The following CFAP107 variants were observed in gnomAD, a reference collection of about 807,000 sequenced individuals.
CFAP107 encodes cilia- and flagella-associated protein 107.
the CFAP107 span, chr1:12,761,905 G>A: frequency 6.6e-6 from 1 of 152,220 alleles, no homozygotes; most frequent in African/African-American, 2.4e-5. Context: ...AGAGAGGGTG[G>A]ATCTCCTAGC....
the CFAP107 span, among the ~76,000 whole-genome samples, chr1:12,760,606 C>G: frequency 6.6e-6 from 1 of 152,204 alleles, no homozygotes; most frequent in Non-Finnish European, 1.5e-5. Flanking sequence ...AACCAATGCT[C>G]TCTGCAAGGC....
chr1:12,746,295 A>G, the CFAP107 span: 6 of 590,746 alleles, frequency 1.0e-5, no homozygotes, highest in East Asian at 1.5e-4. Context: ...GCAAGGAGTC[A>G]TCTACTAGCC....
chr1:12,761,024 A>G, the CFAP107 span: 2 of 1,398,974 alleles, frequency 1.4e-6, no homozygotes, highest in African/African-American at 2.9e-5. Flanking sequence ...GCCAGACAAC[A>G]AGTGGCGCAG....
At chr1:12,749,505 G>C in the CFAP107 span, among the ~76,000 whole-genome samples, 1 of 152,150 alleles carries the variant, frequency 6.6e-6, no homozygotes, top group African/African-American at 2.4e-5. Flanking sequence ...TAGCTACTCA[G>C]GAGGCTGAGG....
the CFAP107 span, among the ~76,000 whole-genome samples, chr1:12,755,540 C>T: frequency 1.3e-5 from 2 of 152,300 alleles, no homozygotes; most frequent in East Asian, 1.9e-4. Flanking sequence ...GCAGGCTCCC[C>T]GTCCCCGAGC....
the CFAP107 span, among the ~76,000 whole-genome samples, chr1:12,747,693 A>C: frequency 6.6e-6 from 1 of 152,208 alleles, no homozygotes; most frequent in Non-Finnish European, 1.5e-5. Flanking sequence ...TACAACCTTC[A>C]GTCATCATCA....
the CFAP107 span, chr1:12,759,230 G>A: frequency 1.3e-6 from 2 of 1,510,374 alleles, no homozygotes; most frequent in East Asian, 2.3e-5. Flanking sequence ...ACCCCTACAT[G>A]TGGCAGCTCC....
At chr1:12,751,155 C>T in the CFAP107 span, among the ~76,000 whole-genome samples, 1 of 151,732 alleles carries the variant, frequency 6.6e-6, no homozygotes, top group Admixed American at 6.6e-5. Flanking sequence ...GGGAAATTTA[C>T]AGCTGTAAAC....
the CFAP107 span, chr1:12,755,783 C>T: frequency 6.2e-7 from 1 of 1,613,568 alleles, no homozygotes; most frequent in South Asian, 1.1e-5. Flanking sequence ...CAGACCAGAT[C>T]TCCAGGTGGT....
the CFAP107 span, among the ~76,000 whole-genome samples, chr1:12,756,769 C>A: frequency 3.3e-5 from 5 of 152,206 alleles, no homozygotes; most frequent in Non-Finnish European, 5.9e-5. Context: ...CCAAGAGATT[C>A]ATTCAGCTCA....
chr1:12,746,664 T>C, the CFAP107 span: 2 of 695,124 alleles, frequency 2.9e-6, no homozygotes, highest in East Asian at 5.5e-5. Flanking sequence ...AATGTGGCAT[T>C]GGGGTCTCTG....
the CFAP107 span, chr1:12,760,900 G>A: frequency 1.2e-6 from 2 of 1,613,932 alleles, no homozygotes; most frequent in Non-Finnish European, 1.7e-6. Context: ...CCTGGAGGGA[G>A]CATGCGGTCC....
chr1:12,759,619 T>A, the CFAP107 span: 1 of 1,019,620 alleles, frequency 9.8e-7, no homozygotes, highest in Non-Finnish European at 1.5e-6. Context: ...GATGACATAG[T>A]AGGGGCTGAG....
At chr1:12,749,891 G>A in the CFAP107 span, among the ~76,000 whole-genome samples, 3 of 152,168 alleles carry the variant, frequency 2.0e-5, no homozygotes, top group African/African-American at 7.2e-5. Context: ...ACATTAGACA[G>A]TAACTTGAAG....
the CFAP107 span, among the ~76,000 whole-genome samples, chr1:12,757,271 C>CG: frequency 6.6e-6 from 1 of 152,068 alleles, no homozygotes; most frequent in South Asian, 2.1e-4. Context: ...CTCCACCCAC[C>CG]ACCCCCCCGC....
chr1:12,759,883 G>A, the CFAP107 span, among the ~76,000 whole-genome samples: 1 of 152,110 alleles, frequency 6.6e-6, no homozygotes, highest in Non-Finnish European at 1.5e-5. Flanking sequence ...GACATTCCAG[G>A]GGGGAAACAG....
chr1:12,754,337 C>CT, the CFAP107 span, among the ~76,000 whole-genome samples: 1 of 152,198 alleles, frequency 6.6e-6, no homozygotes, highest in African/African-American at 2.4e-5. Flanking sequence ...CCACTTCACC[C>CT]TTTAGTATGG....
chr1:12,763,654 T>C, the CFAP107 span: 1 of 152,230 alleles, frequency 6.6e-6, no homozygotes. Flanking sequence ...CATGTTTATT[T>C]GACAGTTCTT....
chr1:12,750,639 T>C, the CFAP107 span, among the ~76,000 whole-genome samples: 270 of 152,258 alleles, frequency 1.8e-3, 1 homozygote, highest in African/African-American at 6.2e-3. Flanking sequence ...AGGGACACTA[T>C]ATATTGATAA....
Sources: gnomAD v4.1 joint callset for allele counts (sites outside exome capture counted in the v4.1 genomes callset) on GRCh38, gnomAD v4.1.1 for gene constraint, MANE v1.5 for transcripts, NCBI Gene and HGNC (gene_info 2026-07-23, HGNC 2026-07-21) for gene names.